The following PIP4K2A variants were observed in gnomAD, a reference collection of about 807,000 sequenced individuals.
The protein encoded by PIP4K2A is phosphatidylinositol-5-phosphate 4-kinase type 2 alpha.
In PIP4K2A, 14 loss-of-function variants were observed where a neutral mutation model predicts 42.9. That is an observed-to-expected ratio of 0.33 (90% CI 0.22 to 0.51). The LOEUF (loss-of-function observed/expected upper bound fraction) is 0.51. PIP4K2A is among the 20% of genes least tolerant of loss of function. The pLI, the probability that PIP4K2A is intolerant of heterozygous loss-of-function variation, is 0.97. For missense variants in PIP4K2A, 434 were observed against 519.8 expected (o/e 0.83, Z 1.61); for synonymous variants, 192 against 192.2 (o/e 1.00, Z 0.01).
intron 1 of PIP4K2A, among the ~76,000 whole-genome samples, chr10:22,621,935 G>A (rs950286863): frequency 1.3e-5 from 2 of 152,174 alleles, no homozygotes; most frequent in Non-Finnish European, 2.9e-5. Context: ...CATCCATCCT[G>A]AAAGAACAAT....
At chr10:22,558,567 G>C (rs1836609728) in intron 6 of PIP4K2A, among the ~76,000 whole-genome samples, 1 of 152,178 alleles carries the variant, frequency 6.6e-6, no homozygotes. Context: ...AAGAAAAAGG[G>C]TGGTTTTGCA....
chr10:22,601,959 T>C (rs1837790898), intron 3 of PIP4K2A, among the ~76,000 whole-genome samples: 1 of 152,330 alleles, frequency 6.6e-6, no homozygotes, highest in African/African-American at 2.4e-5. Flanking sequence ...GTGGGTTTAC[T>C]TCTCTCAATG....
In PIP4K2A at chr10:22,664,163, A is replaced by ATG. The variant is rs1302747925; in HGVS notation, c.144+50019_144+50020insCA. ...TATACATATATATACACATATATAT[A>ATG]TATACATATATATATATACATATAT... is the stretch of plus-strand genomic sequence containing the variant. On this transcript the variant is annotated intron_variant, in intron 1 of 9. Transcript: ENST00000376573. 2.7e-5 allele frequency among the ~76,000 whole-genome samples: 2 copies of ATG among 74,516 alleles called. 1 individual carries two copies. The highest frequency in any genetic ancestry group is 4.6e-5 in the Non-Finnish European group (2 of 43,024). 48.9% of individuals were successfully genotyped at this position (74,516 alleles called of 152,430 possible).
intron 1 of PIP4K2A, among the ~76,000 whole-genome samples, chr10:22,615,893 G>C (rs1838167473): frequency 6.6e-6 from 1 of 152,118 alleles, no homozygotes; most frequent in Non-Finnish European, 1.5e-5. Flanking sequence ...ACACAGAGTG[G>C]CTGGAGCCTG....
chr10:22,711,040 G>A (rs1022861075), intron 1 of PIP4K2A, among the ~76,000 whole-genome samples: 2 of 152,188 alleles, frequency 1.3e-5, no homozygotes, highest in Non-Finnish European at 2.9e-5. Flanking sequence ...AATGTAACAA[G>A]ACAAAACTGC....
chr10:22,684,099 T>A (rs1053299631), intron 1 of PIP4K2A, among the ~76,000 whole-genome samples: 9 of 152,086 alleles, frequency 5.9e-5, no homozygotes, highest in Non-Finnish European at 1.0e-4. Context: ...TTACCTCACA[T>A]CTGTCTGTAT....
chr10:22,695,356 T>A (rs1326869056), intron 1 of PIP4K2A, among the ~76,000 whole-genome samples: 1 of 152,212 alleles, frequency 6.6e-6, no homozygotes, highest in Non-Finnish European at 1.5e-5. Flanking sequence ...TTTTCACTGC[T>A]AAGATGCAAT....
intron 1 of PIP4K2A, among the ~76,000 whole-genome samples, chr10:22,703,992 G>A (rs1042060332): frequency 6.6e-6 from 1 of 152,178 alleles, no homozygotes; most frequent in Non-Finnish European, 1.5e-5. Context: ...GTGCAGGGAG[G>A]AAATCAAGAG....
At chr10:22,689,627 G>C (rs1015414507) in intron 1 of PIP4K2A, among the ~76,000 whole-genome samples, 2 of 152,110 alleles carry the variant, frequency 1.3e-5, no homozygotes, top group African/African-American at 4.8e-5. Context: ...TCAGGATTTT[G>C]GTATGGGGAG....
intron 1 of PIP4K2A, among the ~76,000 whole-genome samples, chr10:22,654,972 T>C (rs1297698977): frequency 6.6e-6 from 1 of 151,910 alleles, no homozygotes; most frequent in African/African-American, 2.4e-5. Flanking sequence ...ACCAGGAGGG[T>C]GGCTCACACC....
chr10:22,555,160 C>T (rs1321449137), intron 6 of PIP4K2A, among the ~76,000 whole-genome samples: 3 of 152,204 alleles, frequency 2.0e-5, no homozygotes, highest in Non-Finnish European at 4.4e-5. Context: ...GTCGACTAGG[C>T]ATGGCTCAGC....
chr10:22,632,870 A>G (rs1838577243), intron 1 of PIP4K2A, among the ~76,000 whole-genome samples: 1 of 152,234 alleles, frequency 6.6e-6, no homozygotes, highest in African/African-American at 2.4e-5. Flanking sequence ...ACTTGTAGGA[A>G]GCGGTTGAGT....
chr10:22,568,408 TA>T (rs3838755), intron 5 of PIP4K2A, among the ~76,000 whole-genome samples: 101,705 of 151,970 alleles, frequency 0.67, 34,478 homozygotes, highest in African/African-American at 0.76. Flanking sequence ...TCTCCCGTCT[TA>T]AGAGTTACTG....
intron 6 of PIP4K2A, among the ~76,000 whole-genome samples, chr10:22,553,758 A>G (rs1010869876): frequency 1.3e-5 from 2 of 151,408 alleles, no homozygotes; most frequent in East Asian, 3.9e-4. Flanking sequence ...TAAAGCGCAC[A>G]GACTTGAAAT....
intron 7 of PIP4K2A, among the ~76,000 whole-genome samples, chr10:22,545,553 T>C (rs1836240541): frequency 6.6e-6 from 1 of 152,198 alleles, no homozygotes; most frequent in South Asian, 2.1e-4. Context: ...CCGCTTACTG[T>C]CGTCTTCCAG....
chr10:22,664,421 C>T (rs1261730377), intron 1 of PIP4K2A, among the ~76,000 whole-genome samples: 1 of 147,434 alleles, frequency 6.8e-6, no homozygotes, highest in African/African-American at 2.5e-5. Context: ...GTGGTTTTTC[C>T]TCTTCATGGT....
chr10:22,704,308 C>A (rs1268319862), intron 1 of PIP4K2A, among the ~76,000 whole-genome samples: 1 of 151,976 alleles, frequency 6.6e-6, no homozygotes, highest in African/African-American at 2.4e-5. Context: ...AAAAAAGGAG[C>A]CCCCTGCATT....
intron 5 of PIP4K2A, among the ~76,000 whole-genome samples, chr10:22,569,532 A>C (rs1836930628): frequency 6.6e-6 from 1 of 152,224 alleles, no homozygotes; most frequent in Non-Finnish European, 1.5e-5. Flanking sequence ...TTTCACAACG[A>C]ATGTTCCCAA....
At chr10:22,675,008 G>A (rs11013091) in intron 1 of PIP4K2A, among the ~76,000 whole-genome samples, 27,010 of 151,932 alleles carry the variant, frequency 0.18, 3,110 homozygotes, top group Non-Finnish European at 0.26. Flanking sequence ...TTTTTCATGG[G>A]CAGCTAAAAG....
Sources: gnomAD v4.1 joint callset for allele counts (sites outside exome capture counted in the v4.1 genomes callset) on GRCh38, gnomAD v4.1.1 for gene constraint, MANE v1.5 for transcripts, NCBI Gene and HGNC (gene_info 2026-07-23, HGNC 2026-07-21) for gene names.